Variants in OPHN1 observed in about 807,000 individuals in gnomAD.
OPHN1 encodes oligophrenin-1.
In OPHN1, 11 loss-of-function variants were observed where a neutral mutation model predicts 60.7. The observed-to-expected ratio is 0.18, with a 90% confidence interval of 0.11 to 0.30. The LOEUF is 0.30. Among genes scored for constraint, OPHN1 ranks in the 10% least tolerant of loss-of-function variants. The probability of loss-of-function intolerance (pLI) is 1.00; values close to 1 mark genes in which losing one functional copy is unlikely to be tolerated. For synonymous variants in OPHN1, 226 were observed against 222.6 expected, an observed-to-expected ratio of 1.02 and a Z score of -0.14; for missense variants, 449 against 611.0, an observed-to-expected ratio of 0.73 and a Z score of 2.80.
chrX:68,101,085 C>A (rs1602156221), intron 18 of OPHN1, among the ~76,000 whole-genome samples: 1 of 111,751 alleles, frequency 8.9e-6, no homozygotes, highest in South Asian at 3.8e-4. Flanking sequence ...GCTTTGGCTT[C>A]CTCCACTGGT....
chrX:68,214,582 C>T (rs768569679), intron 6 of OPHN1, among the ~76,000 whole-genome samples: 1 of 112,178 alleles, frequency 8.9e-6, no homozygotes, highest in East Asian at 2.8e-4. Flanking sequence ...TTCCTTTCAT[C>T]TGAACATCAC....
In OPHN1 at chrX:68,223,253, C is replaced by A. The variant is rs772017403; in HGVS notation, c.487-9281G>T. ...ACCTGCACTCCTATGTTTATCTTCACACAATTCACAATTGCAAAGACAGGA... is the reference window on the plus strand; with the variant it reads ...ACCTGCACTCCTATGTTTATCTTCAAACAATTCACAATTGCAAAGACAGGA... On this transcript the variant is annotated intron_variant, in intron 6 of 24. Coordinates refer to ENST00000355520, the MANE Select transcript of OPHN1 (RefSeq NM_002547.3). 2.5e-3 allele frequency among the ~76,000 whole-genome samples: 277 copies of A among 112,308 alleles called. 1 individual carries two copies. Among genetic ancestry groups the A allele is most frequent in the Non-Finnish European group, 4.4e-3 (235 of 53,258 alleles).
intron 19 of OPHN1, among the ~76,000 whole-genome samples, chrX:68,079,036 C>T (rs2076964906): frequency 9.3e-6 from 1 of 107,034 alleles, no homozygotes; most frequent in Non-Finnish European, 1.9e-5. Flanking sequence ...AAGTAAACAA[C>T]TTCAACTTTC....
intron 2 of OPHN1, among the ~76,000 whole-genome samples, chrX:68,373,646 T>C (rs2147733012): frequency 8.9e-6 from 1 of 112,262 alleles, no homozygotes; most frequent in Admixed American, 9.5e-5. Flanking sequence ...GTGTATTACA[T>C]GTTATCAAAG....
chrX:68,263,648 T>A (rs1280724789), intron 5 of OPHN1, among the ~76,000 whole-genome samples: 1 of 111,619 alleles, frequency 9.0e-6, no homozygotes, highest in Admixed American at 9.6e-5. Context: ...TGAATTTTCA[T>A]CAAATACTTC....
At chrX:68,220,404 A>C (rs1216100456) in intron 6 of OPHN1, among the ~76,000 whole-genome samples, 2 of 111,481 alleles carry the variant, frequency 1.8e-5, no homozygotes, top group Non-Finnish European at 3.8e-5. Context: ...CAATAGAAAA[A>C]GAGGGAATCC....
intron 5 of OPHN1, among the ~76,000 whole-genome samples, chrX:68,240,972 C>T (rs1309552859): frequency 2.7e-5 from 3 of 111,388 alleles, no homozygotes; most frequent in Non-Finnish European, 5.7e-5. Context: ...TTTTTTAACC[C>T]AAAGAATATT....
chrX:68,097,591 G>T (rs1379451871), intron 18 of OPHN1, among the ~76,000 whole-genome samples: 1 of 111,819 alleles, frequency 8.9e-6, no homozygotes, highest in African/African-American at 3.3e-5. Context: ...CAGTCAATTA[G>T]CTGTAGAGTA....
intron 6 of OPHN1, among the ~76,000 whole-genome samples, chrX:68,222,862 G>A (rs2077669180): frequency 1.1e-5 from 1 of 94,504 alleles, no homozygotes; most frequent in Non-Finnish European, 2.1e-5. Context: ...GCCAGCCATG[G>A]CACATGTATA....
At chrX:68,380,462 C>T (rs1292531502) in intron 2 of OPHN1, among the ~76,000 whole-genome samples, 1 of 110,833 alleles carries the variant, frequency 9.0e-6, no homozygotes, top group Non-Finnish European at 1.9e-5. Context: ...TATTTCTTGC[C>T]TTCTGCTAGC....
At chrX:68,364,429 A>G (rs1220532724) in intron 2 of OPHN1, among the ~76,000 whole-genome samples, 2 of 112,359 alleles carry the variant, frequency 1.8e-5, no homozygotes, top group Non-Finnish European at 3.7e-5. Flanking sequence ...TTTAAGAGTG[A>G]TGACAACATT....
chrX:68,262,869 C>A (rs868392723), intron 5 of OPHN1, among the ~76,000 whole-genome samples: 99 of 108,184 alleles, frequency 9.2e-4, no homozygotes, highest in African/African-American at 3.3e-3. Context: ...CAGGACAGGA[C>A]AGGAAAGGAA....
At chrX:68,333,672 C>T (rs1373033945) in intron 2 of OPHN1, among the ~76,000 whole-genome samples, 1 of 103,049 alleles carries the variant, frequency 9.7e-6, no homozygotes, top group Non-Finnish European at 1.9e-5. Context: ...CGCGTGCGTG[C>T]ACACACACAC....
intron 19 of OPHN1, among the ~76,000 whole-genome samples, chrX:68,092,177 G>T: frequency 9.0e-6 from 1 of 110,919 alleles, no homozygotes; most frequent in South Asian, 3.8e-4. Context: ...AGTGTAAATG[G>T]AAAAAACACA....
intron 2 of OPHN1, among the ~76,000 whole-genome samples, chrX:68,361,524 T>TATGTAAAATAAAATAAAAAG (rs1419259890): frequency 1.8e-5 from 2 of 109,284 alleles, no homozygotes; most frequent in Non-Finnish European, 3.8e-5. Context: ...TATATGTATA[T>TATGTAAAATAAAATAAAAAG]ATGTAAAATA....
chrX:68,169,883 T>A (rs1159769686), intron 15 of OPHN1, among the ~76,000 whole-genome samples: 27 of 107,432 alleles, frequency 2.5e-4, no homozygotes, highest in Non-Finnish European at 4.2e-4. Flanking sequence ...AAGGACTTCA[T>A]GTCTAAAACA....
In OPHN1 at chrX:68,330,803, A is replaced by T. The variant is rs1014294348; in HGVS notation, c.155-31707T>A. Among the ~76,000 whole-genome samples the T allele has an allele frequency of 2.8e-5, 3 of 108,507 alleles. No individual in the cohort carries two copies. The East Asian group carries it at 8.4e-4, about 30-fold the overall frequency. 94.2% of individuals were successfully genotyped at this position (108,507 alleles called of 115,157 possible). ...AATATACAAAACATTTCCAGCACAA[A>T]TATATATTTATATCTCTATATAATA... On this transcript the variant is annotated intron_variant, in intron 2 of 24. Transcript: ENST00000355520.
chrX:68,049,145 C>T (rs1201925028), intron 23 of OPHN1, among the ~76,000 whole-genome samples: 1 of 111,523 alleles, frequency 9.0e-6, no homozygotes, highest in Non-Finnish European at 1.9e-5. Context: ...GCCCCACTCC[C>T]CAGACTTATA....
chrX:68,322,114 G>A (rs1440120633), intron 2 of OPHN1, among the ~76,000 whole-genome samples: 1 of 110,371 alleles, frequency 9.1e-6, no homozygotes, highest in Non-Finnish European at 1.9e-5. Context: ...GGGACTACAT[G>A]TGTACATCAC....
Sources: gnomAD v4.1 joint callset for allele counts (sites outside exome capture counted in the v4.1 genomes callset) on GRCh38, gnomAD v4.1.1 for gene constraint, MANE v1.5 for transcripts, NCBI Gene and HGNC (gene_info 2026-07-23, HGNC 2026-07-21) for gene names.